RPS6KC1: variants seen among roughly 807,000 people sequenced by gnomAD.
RPS6KC1 encodes ribosomal protein S6 kinase C1, also known as inactive ribosomal protein S6 kinase delta-1.
In RPS6KC1, 54 loss-of-function variants were observed where a neutral mutation model predicts 103.8. The ratio of observed to expected loss-of-function variants is 0.52; its 90% CI spans 0.42 to 0.65. The LOEUF is 0.65. RPS6KC1 is among the 30% of genes least tolerant of loss of function. The pLI, the probability that RPS6KC1 is intolerant of heterozygous loss-of-function variation, is 0.00. For synonymous variants in RPS6KC1, 439 were observed against 438.7 expected (o/e 1.00, Z -0.01); for missense variants, 1,151 against 1,253.8 (o/e 0.92, Z 1.24).
intron 6 of RPS6KC1, among the ~76,000 whole-genome samples, chr1:213,147,040 A>G (rs2087939073): frequency 6.6e-6 from 1 of 151,904 alleles, no homozygotes; most frequent in African/African-American, 2.4e-5. Flanking sequence ...TTTTGATTGG[A>G]TTATTAGATT....
chr1:213,579,792 C>G, the RPS6KC1 span, among the ~76,000 whole-genome samples: 1 of 151,978 alleles, frequency 6.6e-6, no homozygotes, highest in African/African-American at 2.4e-5. Context: ...AACTACAAAG[C>G]CTGGATGACA....
the RPS6KC1 span, among the ~76,000 whole-genome samples, chr1:213,799,784 C>A: frequency 6.6e-6 from 1 of 152,150 alleles, no homozygotes; most frequent in Non-Finnish European, 1.5e-5. Context: ...GTGAGAGGAG[C>A]TTCAGCTCCA....
At chr1:213,358,156 G>A in the RPS6KC1 span, among the ~76,000 whole-genome samples, 2 of 146,708 alleles carry the variant, frequency 1.4e-5, no homozygotes, top group Admixed American at 6.9e-5. Context: ...CATGAAATGA[G>A]TTAGGGAGGA....
At chr1:213,691,650 T>G in the RPS6KC1 span, among the ~76,000 whole-genome samples, 3 of 152,192 alleles carry the variant, frequency 2.0e-5, no homozygotes, top group Non-Finnish European at 4.4e-5. Context: ...TAAATTATTC[T>G]ATGTTATAAT....
At chr1:213,724,519 C>T in the RPS6KC1 span, among the ~76,000 whole-genome samples, 2 of 152,154 alleles carry the variant, frequency 1.3e-5, no homozygotes, top group Admixed American at 6.5e-5. Context: ...TGGCTGGCAG[C>T]AAACAAGGGC....
chr1:213,085,124 TC>T (rs1182437557), intron 3 of RPS6KC1, among the ~76,000 whole-genome samples: 1 of 152,196 alleles, frequency 6.6e-6, no homozygotes, highest in Non-Finnish European at 1.5e-5. Context: ...GCAGGGATGC[TC>T]TCTTTTCAGA....
the RPS6KC1 span, among the ~76,000 whole-genome samples, chr1:213,539,920 G>T: frequency 6.6e-6 from 1 of 152,226 alleles, no homozygotes; most frequent in East Asian, 1.9e-4. Context: ...TCTATTAAGT[G>T]TACAATAATA....
chr1:213,127,629 G>A (rs1343464116), intron 5 of RPS6KC1, among the ~76,000 whole-genome samples: 1 of 152,170 alleles, frequency 6.6e-6, no homozygotes, highest in African/African-American at 2.4e-5. Flanking sequence ...GAAAGGGAGT[G>A]AAGTAAGCTG....
At chr1:213,688,022 C>T in the RPS6KC1 span, among the ~76,000 whole-genome samples, 3 of 152,148 alleles carry the variant, frequency 2.0e-5, no homozygotes, top group Admixed American at 6.5e-5. Context: ...TCTCAGATTA[C>T]TCTCAGTTGG....
chr1:213,585,251 C>A, the RPS6KC1 span, among the ~76,000 whole-genome samples: 1 of 152,188 alleles, frequency 6.6e-6, no homozygotes, highest in Non-Finnish European at 1.5e-5. Flanking sequence ...CATTCCCTAG[C>A]CCCATGTTGG....
chr1:213,260,094 A>G (rs182387053), intron 12 of RPS6KC1, among the ~76,000 whole-genome samples: 1 of 152,342 alleles, frequency 6.6e-6, no homozygotes, highest in East Asian at 1.9e-4. Flanking sequence ...CACAACATAT[A>G]TGATTAAATC....
the RPS6KC1 span, among the ~76,000 whole-genome samples, chr1:213,698,131 C>G: frequency 3.9e-5 from 6 of 152,234 alleles, no homozygotes; most frequent in East Asian, 1.2e-3. Context: ...ATAATACTTT[C>G]GACTTATGTT....
At chr1:213,401,942 A>G in the RPS6KC1 span, among the ~76,000 whole-genome samples, 1 of 152,018 alleles carries the variant, frequency 6.6e-6, no homozygotes, top group African/African-American at 2.4e-5. Flanking sequence ...GTGTGCCACC[A>G]TGCTTGGCTG....
chr1:213,683,706 C>T, the RPS6KC1 span, among the ~76,000 whole-genome samples: 1 of 152,204 alleles, frequency 6.6e-6, no homozygotes, highest in African/African-American at 2.4e-5. Context: ...TCCTCATCCC[C>T]CTTGCCCCAC....
At chr1:213,230,370 C>A in intron 8 of RPS6KC1, 127 bp from the exon 9 acceptor site, 2 of 522,038 alleles carry the variant, frequency 3.8e-6, no homozygotes, top group Non-Finnish European at 3.2e-6. Flanking sequence ...AAAATTTATT[C>A]AGAAATGAAC....
chr1:213,431,662 T>TGG, the RPS6KC1 span, among the ~76,000 whole-genome samples: 5 of 151,372 alleles, frequency 3.3e-5, no homozygotes, highest in Non-Finnish European at 7.4e-5. Flanking sequence ...TGTATGTGTG[T>TGG]GTGTGTGTGT....
the RPS6KC1 span, among the ~76,000 whole-genome samples, chr1:213,727,843 A>G: frequency 6.6e-6 from 1 of 152,238 alleles, no homozygotes; most frequent in Non-Finnish European, 1.5e-5. Context: ...TAGGAAAGAA[A>G]GTTGTGGAGA....
At chr1:213,442,955 AG>A in the RPS6KC1 span, among the ~76,000 whole-genome samples, 1 of 146,438 alleles carries the variant, frequency 6.8e-6, no homozygotes, top group Non-Finnish European at 1.5e-5. Context: ...CTCCTTTCTC[AG>A]GGTTTTTTTT....
At chr1:213,673,826 CT>C in the RPS6KC1 span, among the ~76,000 whole-genome samples, 39 of 152,012 alleles carry the variant, frequency 2.6e-4, no homozygotes, top group South Asian at 1.2e-3. Context: ...ATTATTCTTT[CT>C]TTTTTAGTCA....
Sources: gnomAD v4.1 joint callset for allele counts (sites outside exome capture counted in the v4.1 genomes callset) on GRCh38, gnomAD v4.1.1 for gene constraint, MANE v1.5 for transcripts, NCBI Gene and HGNC (gene_info 2026-07-23, HGNC 2026-07-21) for gene names.